LRRC59: variants seen among roughly 807,000 people sequenced by gnomAD.
The protein encoded by LRRC59 is leucine rich repeat containing 59.
Under a neutral mutation model 33.5 loss-of-function variants are expected in LRRC59, and 18 were observed. The observed-to-expected ratio is 0.54, with a 90% CI of 0.37 to 0.80. LRRC59 has a LOEUF of 0.80. Among genes scored for constraint, LRRC59 ranks in the 30% least tolerant of loss-of-function variants. LRRC59 has a pLI of 0.00. For missense variants in LRRC59, 330 were observed against 391.9 expected (o/e 0.84, Z 1.33); for synonymous variants, 138 against 160.0 (o/e 0.86, Z 1.04).
At chr17:50,389,180 G>A (rs1008725249) in intron 4 of LRRC59, among the ~76,000 whole-genome samples, 2 of 152,160 alleles carry the variant, frequency 1.3e-5, no homozygotes, top group Non-Finnish European at 1.5e-5. Context: ...TCCGAGAGAA[G>A]CCTACACACA....
intron 1 of LRRC59, chr17:50,396,827 G>A (rs368576127): frequency 5.4e-4 from 154 of 287,422 alleles, no homozygotes; most frequent in Middle Eastern, 1.8e-3. Flanking sequence ...AGGTCTACCA[G>A]GAGGCCTACT....
intron 4 of LRRC59, among the ~76,000 whole-genome samples, chr17:50,391,401 T>C (rs529901699): frequency 3.9e-5 from 6 of 152,344 alleles, no homozygotes; most frequent in Admixed American, 2.6e-4. Context: ...AGACTCATCA[T>C]TCACCCATGA....
intron 6 of LRRC59, 116 bp from the exon 7 acceptor site, chr17:50,383,351 C>A (rs1913917376): frequency 1.5e-6 from 2 of 1,308,720 alleles, no homozygotes; most frequent in Non-Finnish European, 2.0e-6. Context: ...CAAGCAAAAA[C>A]TCCCCAGGCC....
intron 5 of LRRC59, among the ~76,000 whole-genome samples, chr17:50,387,289 C>T (rs138118011): frequency 5.9e-4 from 90 of 152,268 alleles, no homozygotes; most frequent in Middle Eastern, 3.4e-3. Flanking sequence ...GGAAACCCAG[C>T]AAAGCCCCTG....
At chr17:50,384,459 T>C (rs1166228785) in intron 6 of LRRC59, among the ~76,000 whole-genome samples, 5 of 152,008 alleles carry the variant, frequency 3.3e-5, no homozygotes, top group Non-Finnish European at 7.4e-5. Context: ...AGAACTTTAC[T>C]GTAAGGCACT....
chr17:50,389,675 G>A (rs1271789645), intron 4 of LRRC59, among the ~76,000 whole-genome samples: 2 of 152,146 alleles, frequency 1.3e-5, no homozygotes, highest in Non-Finnish European at 2.9e-5. Flanking sequence ...GCATGCGCAC[G>A]AGACAGACAT....
intron 2 of LRRC59, among the ~76,000 whole-genome samples, chr17:50,393,976 C>T (rs962590963): frequency 3.3e-5 from 5 of 152,218 alleles, no homozygotes; most frequent in Non-Finnish European, 7.3e-5. Flanking sequence ...AGGCATGAAC[C>T]ACAGCTCCCA....
rs1913911667 is a variant in LRRC59, at chr17:50,383,172, A to G, written c.740T>C (p.Val247Ala). Reference protein sequence around the residue: ...PPRKHTRSWAVLKLLLLLLLF... With the variant: ...PPRKHTRSWAALKLLLLLLLF... ...CAGCAGCAGCAGCAGCAGCTTCAGC[A>G]CAGCCCAGGAACGAGTGTGCTTCCG... The change falls in exon 7 of 7, where the codon GTG becomes GCG. Residue 247 changes from valine to alanine, a missense_variant. Physicochemically the swap from Val to Ala is moderately conservative, Grantham distance 64 (BLOSUM62 0). Coordinates refer to ENST00000225972, the MANE Select transcript of LRRC59 (RefSeq NM_018509.4). 3 of 1,568,034 alleles carry G rather than the reference A, an allele frequency of 1.9e-6. No individual in the cohort carries two copies. In the South Asian group the frequency reaches 3.5e-5, roughly 18 times the overall value.
At chr17:50,396,098 A>G (rs1271744025) in intron 1 of LRRC59, 2 of 152,204 alleles carry the variant, frequency 1.3e-5, no homozygotes, top group African/African-American at 4.8e-5. Context: ...GGAGGCATAT[A>G]TTCAGTTAAG....
At chr17:50,390,638 T>C (rs1914122111) in intron 4 of LRRC59, among the ~76,000 whole-genome samples, 1 of 152,210 alleles carries the variant, frequency 6.6e-6, no homozygotes, top group African/African-American at 2.4e-5. Context: ...GATGAATACA[T>C]TGAACAAATC....
Position 50,397,380 on chromosome 17 carries a change from C to A in LRRC59, c.-63G>T. The A allele has an allele frequency of 7.5e-7, 1 of 1,340,610 alleles. No homozygotes were observed. Among genetic ancestry groups the A allele is most frequent in the East Asian group, 2.6e-5 (1 of 38,094 alleles). The allele number at this position is 1,340,610 out of a possible 1,614,324, so 83.0% of individuals were successfully genotyped here. A position where few individuals can be genotyped will look rare whatever the true frequency, so the allele number is the denominator to read the frequency against. The stretch of plus-strand genomic sequence containing the variant: ...CGGCGGGTGAAAGGAGCTGAAATGT[C>A]GCTTGTCAGTTCAGCGGCCCCCCAC... On this transcript the variant is annotated 5_prime_UTR_variant, in exon 1 of 7. Transcript: ENST00000225972.
In LRRC59 at chr17:50,385,109, A is replaced by G; in HGVS notation, c.676+9T>C. On this transcript the variant is annotated intron_variant, in intron 6 of 6. Transcript: ENST00000225972. ...CCTGCTGGAATCTTACAACAGGCAG[A>G]AAACTTACTCGGGGCCTGATTTGCT... 1 of 1,612,408 alleles carries G rather than the reference A, an allele frequency of 6.2e-7. No homozygotes were observed. Among genetic ancestry groups the G allele is most frequent in the South Asian group, 1.1e-5 (1 of 90,974 alleles).
intron 4 of LRRC59, among the ~76,000 whole-genome samples, chr17:50,390,448 C>T (rs1019055867): frequency 2.0e-5 from 3 of 151,648 alleles, no homozygotes; most frequent in African/African-American, 4.9e-5. Context: ...ACTGAGAGTG[C>T]GCCACTGCCC....
intron 1 of LRRC59, 119 bp downstream of exon 1, chr17:50,397,094 C>T (rs776880206): frequency 3.9e-6 from 3 of 773,232 alleles, no homozygotes; most frequent in Non-Finnish European, 5.9e-6. Flanking sequence ...GTCCCACCAC[C>T]CCGCTTCTTT....
chr17:50,393,834 C>T (rs903340577), intron 2 of LRRC59, among the ~76,000 whole-genome samples: 2 of 152,152 alleles, frequency 1.3e-5, no homozygotes, highest in Non-Finnish European at 2.9e-5. Flanking sequence ...AGGAGTGCGG[C>T]TGCAAGGAAT....
Position 50,383,035 on chromosome 17 carries a change from G to C in LRRC59, c.877C>G (p.Arg293Gly), listed in dbSNP as rs536412929. ...IYDNAVQGLR[R>G]HEILQWVLQT... ...AGGACCCACTGGAGGATCTCATGGC[G>C]GCGTAGACCCTGGACCGCATTGTCA... Residue 293 changes from arginine to glycine, a missense_variant, in exon 7 of 7, where the codon CGC (arginine) becomes GGC (glycine). Coordinates refer to ENST00000225972, the MANE Select transcript of LRRC59 (RefSeq NM_018509.4). 6.2e-7 allele frequency: 1 copy of C among 1,612,968 alleles called. No individual in the cohort carries two copies. Among genetic ancestry groups the C allele is most frequent in the East Asian group, 2.2e-5 (1 of 44,868 alleles).
chr17:50,382,979 G>C lies in LRRC59; in HGVS notation c.*9C>G, dbSNP rs202162924. ...CAAGGCTGGGAGGCAGCAGGTGCTG[G>C]GGACAAGCTCACTGCTGAGAGTCGG... On this transcript the variant is annotated 3_prime_UTR_variant, in exon 7 of 7. Coordinates refer to ENST00000225972, the MANE Select transcript of LRRC59 (RefSeq NM_018509.4). 5 of 1,609,380 alleles carry C rather than the reference G, an allele frequency of 3.1e-6. No homozygotes were observed. Among genetic ancestry groups the C allele is most frequent in the Non-Finnish European group, 4.2e-6 (5 of 1,177,542 alleles).
intron 4 of LRRC59, 116 bp from the exon 5 acceptor site, chr17:50,388,248 T>A: frequency 1.0e-6 from 1 of 958,582 alleles, no homozygotes; most frequent in Non-Finnish European, 1.6e-6. Context: ...GTAGAACTAA[T>A]AAGAGTTAGG....
At chr17:50,390,219 G>C (rs1914112273) in intron 4 of LRRC59, among the ~76,000 whole-genome samples, 1 of 152,052 alleles carries the variant, frequency 6.6e-6, no homozygotes, top group African/African-American at 2.4e-5. Flanking sequence ...GGAGAGTGTG[G>C]AAAGTAAGAG....
Sources: allele counts gnomAD v4.1 joint callset (sites outside exome capture counted in the v4.1 genomes callset), GRCh38; gene constraint gnomAD v4.1.1; transcripts MANE v1.5; gene names NCBI Gene and HGNC (gene_info 2026-07-23, HGNC 2026-07-21).